The following UGT1A8 variants were observed in gnomAD, a reference collection of about 807,000 sequenced individuals.
UGT1A8 encodes the protein UDP glucuronosyltransferase family 1 member A8, also known as UDP-glucuronosyltransferase 1A8.
Under a neutral mutation model 45.3 loss-of-function variants are expected in UGT1A8, and 39 were observed. The ratio of observed to expected loss-of-function variants is 0.86; its 90% CI spans 0.67 to 1.12. UGT1A8 has a LOEUF of 1.12. UGT1A8 is among the 50% of genes most tolerant of loss of function. The pLI is 0.00. For synonymous variants in UGT1A8, 275 were observed against 249.2 expected (o/e 1.10, Z -0.97); for missense variants, 719 against 664.9 (o/e 1.08, Z -0.90).
At chr2:233,671,767 T>A in intron 1 of UGT1A8, 1 of 1,359,882 alleles carries the variant, frequency 7.4e-7, no homozygotes, top group Non-Finnish European at 9.6e-7. Context: ...AAGCTACTCA[T>A]ATATTCTTGT....
At chr2:233,746,920 C>A (rs1023587712) in intron 1 of UGT1A8, among the ~76,000 whole-genome samples, 10 of 151,720 alleles carry the variant, frequency 6.6e-5, no homozygotes, top group Admixed American at 4.6e-4. Context: ...TTTCCACAGG[C>A]CTTTGTTGGG....
intron 1 of UGT1A8, among the ~76,000 whole-genome samples, chr2:233,716,976 C>T (rs1875263): frequency 0.42 from 64,188 of 151,992 alleles, 14,717 homozygotes; most frequent in African/African-American, 0.61. Context: ...TCTCCCTCCC[C>T]ACAGTCCTGC....
At chr2:233,643,069 G>T (rs1390685585) in intron 1 of UGT1A8, among the ~76,000 whole-genome samples, 3 of 152,148 alleles carry the variant, frequency 2.0e-5, no homozygotes, top group Non-Finnish European at 2.9e-5. Context: ...GCCTATGTTT[G>T]CTCAACGCCC....
chr2:233,722,321 T>A (rs28899187), intron 1 of UGT1A8, among the ~76,000 whole-genome samples: 12,148 of 152,290 alleles, frequency 0.08, 622 homozygotes, highest in East Asian at 0.2. Flanking sequence ...TTGGTTTGGT[T>A]GACCCTTAGA....
chr2:233,685,677 T>TA (rs2074749656), intron 1 of UGT1A8, among the ~76,000 whole-genome samples: 1 of 152,234 alleles, frequency 6.6e-6, no homozygotes, highest in Admixed American at 6.5e-5. Context: ...TGTGTACCCA[T>TA]ATAGCCATTC....
At chr2:233,630,565 C>T (rs745319133) in intron 1 of UGT1A8, among the ~76,000 whole-genome samples, 33 of 152,042 alleles carry the variant, frequency 2.2e-4, no homozygotes, top group Non-Finnish European at 4.1e-4. Flanking sequence ...TTAATTGGCT[C>T]ACAGTTTGGC....
intron 1 of UGT1A8, among the ~76,000 whole-genome samples, chr2:233,653,723 G>A (rs1218925450): frequency 6.6e-6 from 1 of 151,998 alleles, no homozygotes; most frequent in Non-Finnish European, 1.5e-5. Context: ...CAGCCTCCTG[G>A]GTAGCTGGAA....
chr2:233,678,685 A>AT (rs892538963), intron 1 of UGT1A8, among the ~76,000 whole-genome samples: 4 of 151,930 alleles, frequency 2.6e-5, no homozygotes, highest in Admixed American at 6.6e-5. Flanking sequence ...TGTAAGGCCA[A>AT]TTTTTTTTCT....
intron 1 of UGT1A8, among the ~76,000 whole-genome samples, chr2:233,700,349 A>C (rs201786918): frequency 6.6e-6 from 1 of 152,196 alleles, no homozygotes; most frequent in East Asian, 1.9e-4. Flanking sequence ...CCCTGTGCTT[A>C]TCTTTATGGC....
At chr2:233,767,722 A>T (rs1699460301) in intron 2 of UGT1A8, 127 bp from the exon 3 acceptor site, 6 of 1,548,124 alleles carry the variant, frequency 3.9e-6, no homozygotes, top group Middle Eastern at 3.4e-4. Flanking sequence ...CTTCACAGTT[A>T]CTGATCCTCC....
At chr2:233,718,068 T>A in intron 1 of UGT1A8, 1 of 348,348 alleles carries the variant, frequency 2.9e-6, no homozygotes, top group Admixed American at 3.7e-5. Flanking sequence ...CGTGGGTCCT[T>A]GCTAGGGTTG....
At chr2:233,663,168 A>C (rs1901815) in intron 1 of UGT1A8, among the ~76,000 whole-genome samples, 1 of 152,098 alleles carries the variant, frequency 6.6e-6, no homozygotes, top group Non-Finnish European at 1.5e-5. Context: ...TGGTGTAACC[A>C]CCCGGGGGAT....
intron 1 of UGT1A8, among the ~76,000 whole-genome samples, chr2:233,657,595 G>A (rs965049262): frequency 1.3e-5 from 2 of 152,144 alleles, no homozygotes; most frequent in African/African-American, 4.8e-5. Flanking sequence ...CTCCCACTAA[G>A]CCCCACCTCC....
chr2:233,724,419 C>T (rs1157534469), intron 1 of UGT1A8, among the ~76,000 whole-genome samples: 13 of 129,206 alleles, frequency 1.0e-4, no homozygotes, highest in South Asian at 3.0e-4. Flanking sequence ...GGCTGCCGGG[C>T]GGAGAGGCTC....
At chr2:233,661,722 T>A (rs1262729780) in intron 1 of UGT1A8, among the ~76,000 whole-genome samples, 1 of 150,578 alleles carries the variant, frequency 6.6e-6, no homozygotes, top group African/African-American at 2.4e-5. Flanking sequence ...TTTTTTTTTT[T>A]AATGATCGCC....
At chr2:233,736,303 A>T (rs1206412550) in intron 1 of UGT1A8, among the ~76,000 whole-genome samples, 2 of 152,062 alleles carry the variant, frequency 1.3e-5, no homozygotes, top group Non-Finnish European at 2.9e-5. Context: ...TGCTCTAATC[A>T]GCTATTGAAT....
rs1004676304 is a variant in UGT1A8, at chr2:233,769,752, G to A, written c.1295+1313G>A. On this transcript the variant is annotated intron_variant, in intron 4 of 4. Transcript: ENST00000373450. This position sits in a 1 kb window ranked among gnomAD's most constrained non-coding sequence, Gnocchi z 4.4. ...CGCCTGTAGTCCCAGCCACTCTGGA[G>A]GCTAAGGCGGGAGGATTGCTTGAGC... is the stretch of plus-strand genomic sequence containing the variant. The A allele has an allele frequency of 7.0e-6, 10 of 1,432,670 alleles. No homozygotes were observed. In the African/African-American group the frequency reaches 1.3e-4, roughly 18 times the overall value. 88.7% of individuals were successfully genotyped at this position (1,432,670 alleles called of 1,614,324 possible). A position where few individuals can be genotyped will look rare whatever the true frequency, so the allele number is the denominator to read the frequency against.
chr2:233,713,305 A>G, intron 1 of UGT1A8: 3 of 1,614,274 alleles, frequency 1.9e-6, no homozygotes, highest in Non-Finnish European at 2.5e-6. Context: ...GAAACAGAAC[A>G]TCTTCTGATG....
At chr2:233,672,659 A>G in intron 1 of UGT1A8, 1 of 1,613,930 alleles carries the variant, frequency 6.2e-7, no homozygotes, top group Non-Finnish European at 8.5e-7. Context: ...GTTACGGAGT[A>G]TGATCTCTAC....
Sources: gnomAD v4.1 joint callset for allele counts (sites outside exome capture counted in the v4.1 genomes callset) on GRCh38, gnomAD v4.1.1 for gene constraint, Gnocchi (gnomAD v3.1) non-coding constraint, MANE v1.5 for transcripts, NCBI Gene and HGNC (gene_info 2026-07-23, HGNC 2026-07-21) for gene names.